Variants in FANCL observed in about 807,000 individuals in gnomAD.
The protein encoded by FANCL is E3 ubiquitin-protein ligase FANCL.
A neutral mutation model predicts 59.4 loss-of-function variants in FANCL; 69 were observed. The observed-to-expected ratio is 1.16, with a 90% CI of 0.96 to 1.42. FANCL has a LOEUF of 1.42. FANCL is among the 40% of genes most tolerant of loss of function. The pLI is 0.00. For synonymous variants in FANCL, 180 were observed against 147.1 expected (o/e 1.22, Z -1.62); for missense variants, 519 against 447.2 (o/e 1.16, Z -1.45).
At chr2:58,240,797 A>G (rs74480045) in intron 1 of FANCL, among the ~76,000 whole-genome samples, 11 of 152,334 alleles carry the variant, frequency 7.2e-5, no homozygotes, top group Non-Finnish European at 1.6e-4. Flanking sequence ...TGTTCTTTCT[A>G]CAGGAAACAC....
chr2:58,211,958 GC>G, intron 5 of FANCL, among the ~76,000 whole-genome samples: 1 of 152,244 alleles, frequency 6.6e-6, no homozygotes, highest in African/African-American at 2.4e-5. Context: ...TATCTTCTGA[GC>G]CTTCCAAACC....
intron 7 of FANCL, among the ~76,000 whole-genome samples, chr2:58,169,934 T>G (rs540608827): frequency 2.6e-5 from 4 of 152,280 alleles, no homozygotes; most frequent in African/African-American, 9.6e-5. Flanking sequence ...TTGATTGGTG[T>G]GCCTGAAAGT....
intron 5 of FANCL, among the ~76,000 whole-genome samples, chr2:58,217,747 G>T (rs1321873220): frequency 6.6e-6 from 1 of 151,318 alleles, no homozygotes; most frequent in African/African-American, 2.4e-5. Context: ...ATCATATTGG[G>T]AGAATTTAAC....
rs1197542093 is a variant in FANCL at position 58,229,872 on chromosome 2, A to C, written c.158T>G (p.Leu53Ter). The change falls in exon 3 of 14, where the codon TTA (leucine) becomes TGA (stop). Residue 53 changes from leucine (L) to a stop codon, truncating the protein, a stop_gained and splice_region_variant. Transcript: ENST00000233741. LOFTEE classifies it high-confidence loss of function. ...TGTTCTCAGCTGCCAACTACATAAT[A>C]ATCTAAAATTTTAATGAGACAAAAT... ...PEDLQLKNAR[L>*]LCSWQLRTIL... 6.2e-7 allele frequency: 1 copy of C among 1,607,516 alleles called. No individual in the cohort carries two copies. The highest frequency in any genetic ancestry group is 8.5e-7 in the Non-Finnish European group (1 of 1,174,214).
At chr2:58,165,938 C>T (rs1301008469) in intron 7 of FANCL, 64 bp from the exon 8 acceptor site, 6 of 1,522,742 alleles carry the variant, frequency 3.9e-6, no homozygotes, top group African/African-American at 1.4e-5. Context: ...TAATCTTTTA[C>T]TTAAAATACA....
intron 4 of FANCL, among the ~76,000 whole-genome samples, chr2:58,222,683 A>G (rs1055492560): frequency 5.3e-5 from 8 of 152,082 alleles, no homozygotes; most frequent in Admixed American, 1.3e-4. Context: ...AAAATTTTTT[A>G]CAAGACACAT....
chr2:58,205,641 G>A (rs1690506680), intron 5 of FANCL, among the ~76,000 whole-genome samples: 1 of 152,008 alleles, frequency 6.6e-6, no homozygotes, highest in Non-Finnish European at 1.5e-5. Flanking sequence ...AAAAAAAGAA[G>A]AAGGAATAGT....
chr2:58,166,042 A>G (rs1685916273), intron 7 of FANCL, among the ~76,000 whole-genome samples, 168 bp from the exon 8 acceptor site: 1 of 152,176 alleles, frequency 6.6e-6, no homozygotes, highest in Non-Finnish European at 1.5e-5. Flanking sequence ...CTCTTCCTAC[A>G]GCGTTTACAG....
At position 58,162,561 on chromosome 2, in the gene FANCL, T is replaced by G. The variant is rs115785010; in HGVS notation, c.903+305A>C. 5.0e-3 allele frequency among the ~76,000 whole-genome samples: 757 copies of G among 151,962 alleles called. 8 individuals are homozygous for G. The highest frequency in any genetic ancestry group is 0.017 in the African/African-American group (720 of 41,528). On this transcript the variant is annotated intron_variant, in intron 11 of 13. Coordinates refer to ENST00000233741, the MANE Select transcript of FANCL (RefSeq NM_018062.4). The stretch of plus-strand genomic sequence containing the variant: ...TGACAAGATGCAGAACCTGTGTTTA[T>G]GTGAAATCTCTGTATACAGAGGGCC...
rs200412376 is a variant in FANCL, at chr2:58,159,797, T to C, written c.1096A>G (p.Ile366Val). 1 of 1,612,884 alleles carries C rather than the reference T, an allele frequency of 6.2e-7. No homozygotes were observed. The highest frequency in any genetic ancestry group is 2.2e-5 in the East Asian group (1 of 44,818). The change falls in exon 14 of 14, where the codon ATT becomes GTT. Residue 366 changes from isoleucine to valine, a missense_variant. Ile to Val is a conservative substitution (Grantham distance 29). Coordinates refer to ENST00000233741, the MANE Select transcript of FANCL (RefSeq NM_018062.4). ...FGECPYCSKP[I>V]TLKMSGRKH ...TTCCTTCCAGACATTTTTAAGGTAA[T>C]TGGCTTTAAAAAGAGAACATATTTT...
rs1159902512 is a variant in FANCL at position 58,165,721 on chromosome 2, T to C, written c.691+3A>G. 3.1e-6 allele frequency: 5 copies of C among 1,613,978 alleles called. No individual in the cohort carries two copies. The highest frequency in any genetic ancestry group is 1.3e-5 in the African/African-American group (1 of 74,946). Reference sequence around the variant, plus strand: ...ACAAACCCTTAATCCTCCTTGTCCCTACCTAATGCAATTCTGCGTGCTGTT... The same window carrying C: ...ACAAACCCTTAATCCTCCTTGTCCCCACCTAATGCAATTCTGCGTGCTGTT... On this transcript the variant is annotated splice_donor_region_variant and intron_variant, in intron 8 of 13. Transcript: ENST00000233741.
At chr2:58,162,345 AG>A (rs1245592548) in intron 11 of FANCL, among the ~76,000 whole-genome samples, 1 of 152,004 alleles carries the variant, frequency 6.6e-6, no homozygotes, top group East Asian at 1.9e-4. Flanking sequence ...TATGTAGAAA[AG>A]CCAAACATCT....
intron 5 of FANCL, among the ~76,000 whole-genome samples, chr2:58,212,135 A>G (rs559697248): frequency 6.6e-6 from 1 of 152,350 alleles, no homozygotes; most frequent in South Asian, 2.1e-4. Context: ...AAAGAGGTTT[A>G]ATTGGACTTA....
intron 7 of FANCL, among the ~76,000 whole-genome samples, chr2:58,172,561 T>C (rs561498372): frequency 6.6e-6 from 1 of 152,298 alleles, no homozygotes; most frequent in South Asian, 2.1e-4. Flanking sequence ...AGAGGGTCTG[T>C]TTGTTAACAG....
chr2:58,222,787 A>G (rs1692611131), intron 4 of FANCL, among the ~76,000 whole-genome samples: 1 of 152,080 alleles, frequency 6.6e-6, no homozygotes, highest in African/African-American at 2.4e-5. Context: ...AAATAAATCT[A>G]TCTACAAATT....
intron 5 of FANCL, among the ~76,000 whole-genome samples, chr2:58,211,305 G>A (rs1041127256): frequency 4.0e-5 from 6 of 149,744 alleles, no homozygotes; most frequent in East Asian, 2.0e-4. Flanking sequence ...CTGCAGCCAC[G>A]GCCCAAGCTC....
At chr2:58,173,266 A>T (rs1686874074) in intron 7 of FANCL, among the ~76,000 whole-genome samples, 1 of 152,254 alleles carries the variant, frequency 6.6e-6, no homozygotes, top group Non-Finnish European at 1.5e-5. Flanking sequence ...GCCAACATTC[A>T]GATTAAAGAA....
intron 7 of FANCL, among the ~76,000 whole-genome samples, 180 bp from the exon 8 acceptor site, chr2:58,166,054 ATTC>A (rs1156519604): frequency 6.6e-6 from 1 of 152,150 alleles, no homozygotes; most frequent in Non-Finnish European, 1.5e-5. Flanking sequence ...CGTTTACAGG[ATTC>A]TTTTTTATTG....
intron 7 of FANCL, among the ~76,000 whole-genome samples, chr2:58,175,520 C>A (rs1027504433): frequency 7.2e-5 from 11 of 151,930 alleles, no homozygotes; most frequent in African/African-American, 2.4e-4. Flanking sequence ...ATAAACAGAA[C>A]CAAAGACAAA....
Sources: allele counts gnomAD v4.1 joint callset (sites outside exome capture counted in the v4.1 genomes callset), GRCh38; gene constraint gnomAD v4.1.1; transcripts MANE v1.5; gene names NCBI Gene and HGNC (gene_info 2026-07-23, HGNC 2026-07-21).